The following FILIP1 variants were observed in gnomAD, a reference collection of about 807,000 sequenced individuals.
FILIP1 encodes the protein filamin A interacting protein 1.
FILIP1 carries 61 observed loss-of-function variants against 102.1 expected under a neutral mutation model. The ratio of observed to expected loss-of-function variants is 0.60; its 90% CI spans 0.49 to 0.74. The LOEUF (loss-of-function observed/expected upper bound fraction) is 0.74. Among genes scored for constraint, FILIP1 ranks in the 30% least tolerant of loss-of-function variants. The pLI, the probability that FILIP1 is intolerant of heterozygous loss-of-function variation, is 0.00. For synonymous variants in FILIP1, 491 were observed against 526.9 expected, an observed-to-expected ratio of 0.93 and a Z score of 0.93; for missense variants, 1,314 against 1,441.2, an observed-to-expected ratio of 0.91 and a Z score of 1.43.
At chr6:75,326,122 G>T (rs1283576662) in intron 4 of FILIP1, among the ~76,000 whole-genome samples, 1 of 149,814 alleles carries the variant, frequency 6.7e-6, no homozygotes, top group Non-Finnish European at 1.5e-5. Context: ...GAGATAGATA[G>T]ATATACACAC....
chr6:75,466,019 G>C (rs975532328), intron 1 of FILIP1, among the ~76,000 whole-genome samples: 2 of 152,236 alleles, frequency 1.3e-5, no homozygotes, highest in East Asian at 3.9e-4. Context: ...GCCCACCCAG[G>C]TTATTCTCTC....
At chr6:75,487,644 C>T (rs1411127532) in intron 1 of FILIP1, among the ~76,000 whole-genome samples, 1 of 151,246 alleles carries the variant, frequency 6.6e-6, no homozygotes, top group Non-Finnish European at 1.5e-5. Flanking sequence ...CTTGGTGGTG[C>T]CAGCAGTCTA....
chr6:75,323,146 A>T lies in FILIP1; in HGVS notation c.630-7944T>A, dbSNP rs150667480. On this transcript the variant is annotated intron_variant, in intron 4 of 5. Coordinates refer to ENST00000237172, the MANE Select transcript of FILIP1 (RefSeq NM_015687.5). ...ATTTAGAAAACTCTTTATTAATGTGATTTTTTTTACATTTAATTAAATAAT... is the reference window on the plus strand; with the variant it reads ...ATTTAGAAAACTCTTTATTAATGTGTTTTTTTTTACATTTAATTAAATAAT... Among the ~76,000 whole-genome samples the T allele has an allele frequency of 7.5e-3, 1,141 of 151,968 alleles. 9 individuals are homozygous for T. Among genetic ancestry groups the T allele is most frequent in the Middle Eastern group, 0.02 (6 of 294 alleles).
intron 1 of FILIP1, among the ~76,000 whole-genome samples, chr6:75,482,228 C>T (rs567004348): frequency 2.0e-4 from 30 of 152,084 alleles, no homozygotes; most frequent in Non-Finnish European, 1.0e-4. Flanking sequence ...AGAAGTGATG[C>T]GAGAAAGAAA....
chr6:75,436,622 T>A (rs867123958), intron 1 of FILIP1, among the ~76,000 whole-genome samples: 6 of 152,124 alleles, frequency 3.9e-5, no homozygotes, highest in African/African-American at 1.4e-4. Context: ...ATGGGACAGA[T>A]AAAGCCCTGT....
chr6:75,449,438 T>G (rs1176477022), intron 1 of FILIP1, among the ~76,000 whole-genome samples: 1 of 152,104 alleles, frequency 6.6e-6, no homozygotes, highest in Non-Finnish European at 1.5e-5. Flanking sequence ...AACTTATTCA[T>G]GTAAGCAAAT....
chr6:75,324,335 T>A (rs1365578858), intron 4 of FILIP1, among the ~76,000 whole-genome samples: 4 of 77,822 alleles, frequency 5.1e-5, no homozygotes, highest in Non-Finnish European at 8.2e-5. Context: ...CACTTAGAAA[T>A]ATACCTAACC....
At chr6:75,299,987 A>C (rs568609934) in intron 6 of FILIP1, among the ~76,000 whole-genome samples, 2 of 152,298 alleles carry the variant, frequency 1.3e-5, no homozygotes, top group African/African-American at 4.8e-5. Flanking sequence ...ACAAATTAGA[A>C]TTCTGTTTCC....
rs567289032 is a variant in FILIP1, at chr6:75,418,000, C to A, written c.-6-3022G>T. ...ATCACCTAAGGTCGGGAGATCAAGA[C>A]CAGCCTGGCCAACATGGCAAAACCC... On this transcript the variant is annotated intron_variant, in intron 1 of 5. Transcript: ENST00000237172. Among the ~76,000 whole-genome samples the A allele has an allele frequency of 9.2e-4, 140 of 152,262 alleles. 1 individual carries two copies. The highest frequency in any genetic ancestry group is 3.4e-3 in the African/African-American group (140 of 41,560).
intron 4 of FILIP1, among the ~76,000 whole-genome samples, chr6:75,316,426 G>A (rs1339456102): frequency 6.6e-6 from 1 of 151,586 alleles, no homozygotes; most frequent in Non-Finnish European, 1.5e-5. Flanking sequence ...TTTATGACTA[G>A]ATTAGCTGTT....
At chr6:75,469,808 G>A (rs1465087499) in intron 1 of FILIP1, among the ~76,000 whole-genome samples, 1 of 152,044 alleles carries the variant, frequency 6.6e-6, no homozygotes, top group African/African-American at 2.4e-5. Context: ...TTAGTCATAT[G>A]ATTTAGGAGA....
intron 1 of FILIP1, among the ~76,000 whole-genome samples, chr6:75,437,194 A>C (rs1351527703): frequency 6.6e-6 from 1 of 152,240 alleles, no homozygotes; most frequent in Non-Finnish European, 1.5e-5. Flanking sequence ...CTCAGTCCAC[A>C]GTATTATGGC....
Position 75,376,622 on chromosome 6 carries a change from A to G in FILIP1, c.277-13705T>C, listed in dbSNP as rs147134309. On this transcript the variant is annotated intron_variant, in intron 2 of 5. Transcript: ENST00000237172. ...ATTTCCTCCTTTTTCTTTTTTTCTG[A>G]TAAGAGCGAATTGCCTGATCCACTG... Among the ~76,000 whole-genome samples, 7 of 152,238 alleles carry G rather than the reference A, an allele frequency of 4.6e-5. No homozygotes were observed. The East Asian group carries it at 1.2e-3, about 25-fold the overall frequency.
intron 4 of FILIP1, among the ~76,000 whole-genome samples, chr6:75,317,209 A>C (rs1384385160): frequency 6.6e-6 from 1 of 152,156 alleles, no homozygotes; most frequent in Non-Finnish European, 1.5e-5. Flanking sequence ...TCACCAGTAG[A>C]GGAAAGAGGG....
At chr6:75,481,983 GT>G (rs1193729321) in intron 1 of FILIP1, among the ~76,000 whole-genome samples, 6 of 152,116 alleles carry the variant, frequency 3.9e-5, no homozygotes, top group Non-Finnish European at 8.8e-5. Context: ...CAAGACCTCT[GT>G]TTTTTTCCCT....
intron 1 of FILIP1, among the ~76,000 whole-genome samples, chr6:75,422,253 G>A (rs1359775233): frequency 1.3e-5 from 2 of 151,848 alleles, no homozygotes; most frequent in African/African-American, 2.4e-5. Flanking sequence ...ACTAGACATA[G>A]CATGTAATAT....
chr6:75,305,610 ATGATAAACACTCT>A (rs1171642855), downstream of FILIP1, among the ~76,000 whole-genome samples: 1 of 152,232 alleles, frequency 6.6e-6, no homozygotes, highest in Non-Finnish European at 1.5e-5. Flanking sequence ...ATGTAAAAAA[ATGATAAACACTCT>A]TGAGGCTGTG....
chr6:75,305,152 TG>T (rs200733496), downstream of FILIP1, among the ~76,000 whole-genome samples: 855 of 152,302 alleles, frequency 5.6e-3, 3 homozygotes, highest in Middle Eastern at 0.017. Flanking sequence ...TGGGAAAATT[TG>T]GGAATCATAT....
rs113801219 is a variant in FILIP1, at chr6:75,404,268, C to T, written c.276+10429G>A. Among the ~76,000 whole-genome samples, 460 of 152,214 alleles carry T rather than the reference C, an allele frequency of 3.0e-3. 4 individuals carry two copies. Among genetic ancestry groups the T allele is most frequent in the African/African-American group, 0.011 (441 of 41,534 alleles). On this transcript the variant is annotated intron_variant, in intron 2 of 5. Transcript: ENST00000237172. ...ACAAAACAAAACAAAACAACACTGCCGTACCAGAAACCCTAAATGCAAATA... is the reference window on the plus strand; with the variant it reads ...ACAAAACAAAACAAAACAACACTGCTGTACCAGAAACCCTAAATGCAAATA...
Sources: gnomAD v4.1 joint callset for allele counts (sites outside exome capture counted in the v4.1 genomes callset) on GRCh38, gnomAD v4.1.1 for gene constraint, MANE v1.5 for transcripts, NCBI Gene and HGNC (gene_info 2026-07-23, HGNC 2026-07-21) for gene names.